Variants in GABRG3 observed in about 807,000 individuals in gnomAD.
GABRG3 encodes gamma-aminobutyric acid type A receptor subunit gamma3.
GABRG3 carries 25 observed loss-of-function variants against 48.8 expected under a neutral mutation model. The observed-to-expected ratio is 0.51, with a 90% CI of 0.37 to 0.72. GABRG3 has a LOEUF of 0.72. GABRG3 is among the 30% of genes least tolerant of loss of function. The pLI, the probability that GABRG3 is intolerant of heterozygous loss-of-function variation, is 0.00. For missense variants in GABRG3, 394 were observed against 577.9 expected (o/e 0.68, Z 3.26); for synonymous variants, 227 against 217.6 (o/e 1.04, Z -0.38).
intron 5 of GABRG3, among the ~76,000 whole-genome samples, chr15:27,444,609 G>A (rs1002984457): frequency 6.6e-6 from 1 of 152,056 alleles, no homozygotes; most frequent in African/African-American, 2.4e-5. Context: ...TTTAATTATA[G>A]CTATTAGTCC....
intron 2 of GABRG3, among the ~76,000 whole-genome samples, chr15:27,025,947 G>A (rs867541327): frequency 6.6e-6 from 1 of 152,156 alleles, no homozygotes; most frequent in Non-Finnish European, 1.5e-5. Context: ...ATCAGCCCCC[G>A]ACTCAGAGGT....
At chr15:27,051,591 G>A (rs1896456434) in intron 3 of GABRG3, among the ~76,000 whole-genome samples, 1 of 152,162 alleles carries the variant, frequency 6.6e-6, no homozygotes, top group Non-Finnish European at 1.5e-5. Flanking sequence ...CTTCCTCTGT[G>A]TGGGGACACA....
At chr15:27,285,946 T>G (rs1456911543) in intron 3 of GABRG3, among the ~76,000 whole-genome samples, 10 of 152,176 alleles carry the variant, frequency 6.6e-5, no homozygotes, top group African/African-American at 2.4e-4. Context: ...TCTCTATCAA[T>G]GACACAGTGC....
chr15:27,412,788 T>C (rs1049061057), intron 5 of GABRG3, among the ~76,000 whole-genome samples: 1 of 152,202 alleles, frequency 6.6e-6, no homozygotes, highest in African/African-American at 2.4e-5. Flanking sequence ...TTTTGTATCA[T>C]AAATCATTTC....
At chr15:27,345,723 G>A (rs1894341820) in intron 5 of GABRG3, among the ~76,000 whole-genome samples, 1 of 152,002 alleles carries the variant, frequency 6.6e-6, no homozygotes, top group South Asian at 2.1e-4. Flanking sequence ...TGCAGGGTAG[G>A]TCTGCTCTTG....
At chr15:27,430,705 C>G (rs141909843) in intron 5 of GABRG3, among the ~76,000 whole-genome samples, 1 of 152,218 alleles carries the variant, frequency 6.6e-6, no homozygotes, top group East Asian at 1.9e-4. Flanking sequence ...AATGAATTGA[C>G]TAGGCTGGGC....
chr15:27,170,271 C>T (rs1248429761), intron 3 of GABRG3, among the ~76,000 whole-genome samples: 2 of 151,966 alleles, frequency 1.3e-5, no homozygotes, highest in African/African-American at 4.8e-5. Flanking sequence ...AGCAATAGCC[C>T]AGAGGACAAG....
intron 5 of GABRG3, among the ~76,000 whole-genome samples, chr15:27,411,736 C>T (rs1205330903): frequency 6.6e-6 from 1 of 152,022 alleles, no homozygotes; most frequent in Non-Finnish European, 1.5e-5. Context: ...ATTAAATAAA[C>T]CAAGCTCCCC....
At chr15:27,520,962 A>G (rs1891146932) in intron 7 of GABRG3, among the ~76,000 whole-genome samples, 1 of 151,964 alleles carries the variant, frequency 6.6e-6, no homozygotes, top group Admixed American at 6.6e-5. Context: ...TTAGCCTGTA[A>G]TATCCTCTAC....
At chr15:27,112,852 C>T in intron 3 of GABRG3, among the ~76,000 whole-genome samples, 1 of 152,174 alleles carries the variant, frequency 6.6e-6, no homozygotes, top group Admixed American at 6.5e-5. Context: ...TAGTTTACAG[C>T]ACTGTGGTTT....
chr15:27,479,703 G>C (rs985675839), intron 5 of GABRG3, among the ~76,000 whole-genome samples: 1 of 152,222 alleles, frequency 6.6e-6, no homozygotes, highest in African/African-American at 2.4e-5. Context: ...GTGTCTGTAT[G>C]AATCAATGAA....
rs116598125 is a variant in GABRG3 at position 27,373,251 on chromosome 15, T to C, written c.574+44363T>C. On this transcript the variant is annotated intron_variant, in intron 5 of 9. Coordinates refer to ENST00000615808, the MANE Select transcript of GABRG3 (RefSeq NM_033223.5). ...AATTTTCAAAAACTTAAGATGATTCTTATGAATATAAAATAAATACTGTCA... is the reference window on the plus strand; with the variant it reads ...AATTTTCAAAAACTTAAGATGATTCCTATGAATATAAAATAAATACTGTCA... Among the ~76,000 whole-genome samples, 555 of 152,292 alleles carry C rather than the reference T, an allele frequency of 3.6e-3. 6 individuals are homozygous for C. The highest frequency in any genetic ancestry group is 0.013 in the African/African-American group (520 of 41,562).
intron 3 of GABRG3, among the ~76,000 whole-genome samples, chr15:27,286,534 C>T (rs528173567): frequency 3.8e-4 from 58 of 152,022 alleles, no homozygotes; most frequent in African/African-American, 1.4e-3. Context: ...GGAATGGTAG[C>T]GAAAGGAGAG....
intron 3 of GABRG3, among the ~76,000 whole-genome samples, chr15:27,306,247 T>G (rs913019047): frequency 7.6e-6 from 1 of 131,250 alleles, no homozygotes; most frequent in African/African-American, 2.8e-5. Flanking sequence ...ATAAACATAA[T>G]ATAAACATGT....
chr15:27,161,840 T>TA (rs1887202389), intron 3 of GABRG3, among the ~76,000 whole-genome samples: 1 of 152,142 alleles, frequency 6.6e-6, no homozygotes, highest in Non-Finnish European at 1.5e-5. Flanking sequence ...AGGAAGGTGA[T>TA]ACTGTAGTTA....
chr15:27,210,555 CA>C (rs1889044425), intron 3 of GABRG3, among the ~76,000 whole-genome samples: 1 of 152,228 alleles, frequency 6.6e-6, no homozygotes, highest in Admixed American at 6.5e-5. Context: ...ACTTCCAGAG[CA>C]TTGCCCACCC....
intron 3 of GABRG3, among the ~76,000 whole-genome samples, chr15:27,214,694 A>ATTT (rs58631276): frequency 2.3e-4 from 33 of 145,862 alleles, no homozygotes; most frequent in African/African-American, 5.1e-4. Context: ...TCACATCCAC[A>ATTT]TTTTTTTTTT....
intron 3 of GABRG3, among the ~76,000 whole-genome samples, chr15:27,312,267 T>C (rs1465591687): frequency 1.3e-5 from 2 of 151,382 alleles, no homozygotes; most frequent in African/African-American, 2.4e-5. Context: ...GGAGCAAAAA[T>C]AAGAAAAGAA....
At chr15:27,221,410 G>T (rs1205237710) in intron 3 of GABRG3, among the ~76,000 whole-genome samples, 2 of 152,004 alleles carry the variant, frequency 1.3e-5, no homozygotes, top group Admixed American at 1.3e-4. Context: ...CACATGATTT[G>T]AAAAAGAGTT....
Sources: gnomAD v4.1 joint callset for allele counts (sites outside exome capture counted in the v4.1 genomes callset) on GRCh38, gnomAD v4.1.1 for gene constraint, MANE v1.5 for transcripts, NCBI Gene and HGNC (gene_info 2026-07-23, HGNC 2026-07-21) for gene names.